Variants in SI observed in about 807,000 individuals in gnomAD.
SI encodes the protein sucrase-isomaltase, intestinal.
A neutral mutation model predicts 253.3 loss-of-function variants in SI; 235 were observed. The ratio of observed to expected loss-of-function variants is 0.93; its 90% CI spans 0.83 to 1.03. The LOEUF is 1.03. Ranked by LOEUF, SI falls within the 50% of genes least tolerant of loss-of-function variation. SI has a pLI of 0.00. For missense variants in SI, 2,442 were observed against 2,211.1 expected, an observed-to-expected ratio of 1.10 and a Z score of -2.09; for synonymous variants, 819 against 712.0, an observed-to-expected ratio of 1.15 and a Z score of -2.39.
intron 41 of SI, among the ~76,000 whole-genome samples, chr3:164,993,176 A>G (rs1717853272): frequency 1.3e-5 from 2 of 151,816 alleles, no homozygotes; most frequent in South Asian, 2.1e-4. Flanking sequence ...TGTATAGTTA[A>G]TAATAATATT....
At chr3:165,034,594 T>C (rs768466163) in intron 22 of SI, among the ~76,000 whole-genome samples, 22 of 151,960 alleles carry the variant, frequency 1.4e-4, no homozygotes, top group Admixed American at 2.6e-4. Flanking sequence ...CCTAGTGTGC[T>C]TACACCCCAG....
rs1300168006 is a variant in SI, at chr3:165,019,649, G to A, written c.3376C>T (p.Leu1126=). ...AACATTCCCCAAGTATTCCAGTTCA[G>A]ATCTCGCTTAAATGCTGTATGTTCC... ...EVEHTAFKRD[L]NWNTWGMFTR... The change falls in exon 28 of 48, where the codon CTG becomes TTG. Residue 1126 remains leucine, a synonymous_variant. Coordinates refer to ENST00000264382, the MANE Select transcript of SI (RefSeq NM_001041.4). 3.7e-6 allele frequency: 6 copies of A among 1,612,476 alleles called. No individual in the cohort carries two copies. The highest frequency in any genetic ancestry group is 5.1e-6 in the Non-Finnish European group (6 of 1,179,108).
chr3:164,982,319 G>C lies in SI; in HGVS notation c.5339C>G (p.Thr1780Ser). The C allele has an allele frequency of 1.2e-6, 2 of 1,612,868 alleles. No individual in the cohort carries two copies. The highest frequency in any genetic ancestry group is 8.5e-7 in the Non-Finnish European group (1 of 1,179,196). The stretch of plus-strand genomic sequence containing the variant: ...CGTTAGAGTAACTGCATTGACAGGA[G>C]TAGTTCCTTTCCCCCATACATGAAG... Reference protein sequence around the residue: ...GSLHVWGKGTTPVNAVTLTYN... With the variant: ...GSLHVWGKGTSPVNAVTLTYN... The change falls in exon 47 of 48, where the codon ACT (threonine) becomes AGT (serine). Residue 1780 changes from threonine to serine, a missense_variant. Physicochemically the swap from Thr to Ser is moderately conservative, Grantham distance 58. Coordinates refer to ENST00000264382, the MANE Select transcript of SI (RefSeq NM_001041.4).
intron 32 of SI, 116 bp downstream of exon 32, chr3:165,015,836 G>T: frequency 1.1e-6 from 1 of 883,194 alleles, no homozygotes; most frequent in South Asian, 1.4e-5. Context: ...TTAGATTTGG[G>T]AGTGTTACTC....
At chr3:165,070,602 T>C (rs987640093) in intron 3 of SI, among the ~76,000 whole-genome samples, 1 of 151,872 alleles carries the variant, frequency 6.6e-6, no homozygotes, top group African/African-American at 2.4e-5. Flanking sequence ...GAAAGATTTG[T>C]ATATAAAACT....
At chr3:165,024,577 G>A (rs1200113849) in intron 25 of SI, among the ~76,000 whole-genome samples, 1 of 150,902 alleles carries the variant, frequency 6.6e-6, no homozygotes, top group African/African-American at 2.4e-5. Flanking sequence ...GTACTGTCTG[G>A]CTTCTATCTA....
intron 25 of SI, 102 bp from the exon 26 acceptor site, chr3:165,023,878 A>G: frequency 1.2e-6 from 1 of 812,148 alleles, no homozygotes; most frequent in Admixed American, 2.0e-5. Flanking sequence ...ATGATTTACA[A>G]GTTTCATTAA....
intron 25 of SI, among the ~76,000 whole-genome samples, chr3:165,024,785 T>C (rs1312382766): frequency 6.6e-6 from 1 of 151,264 alleles, no homozygotes; most frequent in African/African-American, 2.4e-5. Flanking sequence ...TACTGTTCTA[T>C]TTTTTCTGCT....
rs1309483388 is a variant in SI, at chr3:165,067,439, T to C, written c.536A>G (p.Glu179Gly). The C allele has an allele frequency of 6.2e-7, 1 of 1,611,808 alleles. No individual in the cohort carries two copies. The highest frequency in any genetic ancestry group is 8.5e-7 in the Non-Finnish European group (1 of 1,178,148). ...RYEVPHQYVK[E>G]FTGPTVSDTL... ...ATCAGAAACTGTGGGTCCAGTAAACTCTTTTACATACTGATGAGGAACTTC... is the reference window on the plus strand; with the variant it reads ...ATCAGAAACTGTGGGTCCAGTAAACCCTTTTACATACTGATGAGGAACTTC... Residue 179 changes from glutamate to glycine, a missense_variant, in exon 6 of 48, where the codon GAG becomes GGG. Physicochemically the swap from Glu to Gly is moderately conservative, Grantham distance 98. Coordinates refer to ENST00000264382, the MANE Select transcript of SI (RefSeq NM_001041.4).
At chr3:165,005,888 A>C (rs556365523) in intron 37 of SI, among the ~76,000 whole-genome samples, 1 of 152,240 alleles carries the variant, frequency 6.6e-6, no homozygotes, top group East Asian at 1.9e-4. Context: ...TTGAGATTAC[A>C]AGTATAAGCT....
At chr3:165,020,425 T>C (rs1391820259) in intron 27 of SI, among the ~76,000 whole-genome samples, 1 of 151,678 alleles carries the variant, frequency 6.6e-6, no homozygotes, top group Non-Finnish European at 1.5e-5. Flanking sequence ...TATTTTAACT[T>C]TTTATATTTA....
chr3:165,059,858 A>C lies in SI; in HGVS notation c.1146+44T>G, dbSNP rs532366622. On this transcript the variant is annotated intron_variant, in intron 10 of 47. Transcript: ENST00000264382. ...CCTACAGTTCTTATTATGTGACAAT[A>C]TTTAACTTGATATATATTCCCACGG... The C allele has an allele frequency of 1.3e-6, 2 of 1,589,434 alleles. 1 individual carries two copies. Among genetic ancestry groups the C allele is most frequent in the South Asian group, 2.2e-5 (2 of 90,620 alleles).
intron 12 of SI, among the ~76,000 whole-genome samples, chr3:165,058,578 T>C (rs1358604030): frequency 5.3e-5 from 8 of 151,838 alleles, no homozygotes; most frequent in Admixed American, 1.3e-4. Context: ...AAATCAGTGA[T>C]TGAAAAGGAG....
In SI at chr3:165,005,938, G is replaced by A. The variant is rs544673487; in HGVS notation, c.4406+878C>T. On this transcript the variant is annotated intron_variant, in intron 37 of 47. Transcript: ENST00000264382. ...GAAGATTTCAATCACTGCAAAACTT[G>A]TATTGGAAAGTGCTAATAAAGAATT... Among the ~76,000 whole-genome samples the A allele has an allele frequency of 4.6e-5, 7 of 152,128 alleles. No individual in the cohort carries two copies. In the South Asian group the frequency reaches 1.5e-3, roughly 32 times the overall value.
chr3:165,017,373 C>T (rs1214557562), intron 31 of SI, among the ~76,000 whole-genome samples, 175 bp downstream of exon 31: 1 of 151,878 alleles, frequency 6.6e-6, no homozygotes, highest in Admixed American at 6.6e-5. Flanking sequence ...TCTTCCTCTC[C>T]TTTATCAGTC....
the SI span, among the ~76,000 whole-genome samples, chr3:165,085,844 A>G: frequency 6.6e-6 from 1 of 152,306 alleles, no homozygotes; most frequent in Admixed American, 6.5e-5. Flanking sequence ...AAATGTTACA[A>G]TACTAGCATT....
intron 37 of SI, among the ~76,000 whole-genome samples, chr3:165,002,436 T>C (rs1478602872): frequency 6.6e-6 from 1 of 151,798 alleles, no homozygotes; most frequent in Non-Finnish European, 1.5e-5. Flanking sequence ...ATGCATGCTA[T>C]TCTTTCGTTG....
At chr3:165,084,846 A>G in the SI span, among the ~76,000 whole-genome samples, 1 of 152,080 alleles carries the variant, frequency 6.6e-6, no homozygotes, top group African/African-American at 2.4e-5. Context: ...TAACTTATAC[A>G]TTCCTGAAAC....
intron 45 of SI, among the ~76,000 whole-genome samples, chr3:164,984,094 A>G (rs1367421296): frequency 6.6e-6 from 1 of 152,182 alleles, no homozygotes; most frequent in Admixed American, 6.6e-5. Flanking sequence ...AAAACAAAAA[A>G]GCTAATTACT....
Sources: gnomAD v4.1 joint callset for allele counts (sites outside exome capture counted in the v4.1 genomes callset) on GRCh38, gnomAD v4.1.1 for gene constraint, MANE v1.5 for transcripts, NCBI Gene and HGNC (gene_info 2026-07-23, HGNC 2026-07-21) for gene names.